The following INSL6 variants were observed in gnomAD, a reference collection of about 807,000 sequenced individuals.
INSL6 encodes the protein insulin like 6.
In INSL6, 16 loss-of-function variants were observed where a neutral mutation model predicts 9.4. The observed-to-expected ratio is 1.70, with a 90% CI of 1.15 to 2.59. The LOEUF (loss-of-function observed/expected upper bound fraction) is 2.59. INSL6 is among the 30% of genes most tolerant of loss of function. The probability of loss-of-function intolerance (pLI) is 0.00; values close to 1 mark genes in which losing one functional copy is unlikely to be tolerated. For synonymous variants in INSL6, 154 were observed against 96.9 expected (o/e 1.59, Z -3.46); for missense variants, 391 against 257.3 (o/e 1.52, Z -3.56).
chr9:5,153,459 G>A (rs1218451863), intron 2 of INSL6, among the ~76,000 whole-genome samples: 1 of 152,190 alleles, frequency 6.6e-6, no homozygotes, highest in East Asian at 1.9e-4. Flanking sequence ...CGCCAGCTCA[G>A]CAAGGCCACC....
chr9:5,029,583 A>T, the INSL6 span, among the ~76,000 whole-genome samples: 2 of 152,200 alleles, frequency 1.3e-5, no homozygotes. Flanking sequence ...GGGTGCACTA[A>T]AATGAAGTAT....
At chr9:5,049,465 AT>A in the INSL6 span, among the ~76,000 whole-genome samples, 10 of 152,044 alleles carry the variant, frequency 6.6e-5, no homozygotes, top group African/African-American at 2.2e-4. Flanking sequence ...TCCATCATAC[AT>A]TTCTTTATTT....
chr9:5,081,907 A>C, the INSL6 span: 1 of 1,494,568 alleles, frequency 6.7e-7, no homozygotes, highest in Non-Finnish European at 9.3e-7. Context: ...CATTTCATTT[A>C]GGAAAAACTT....
At chr9:5,041,667 T>C in the INSL6 span, 1 of 509,818 alleles carries the variant, frequency 2.0e-6, no homozygotes, top group Non-Finnish European at 4.0e-6. Flanking sequence ...GCGGAAGCTC[T>C]CCAGCTACCT....
chr9:5,099,608 C>T, the INSL6 span: 6 of 152,178 alleles, frequency 3.9e-5, no homozygotes, highest in African/African-American at 1.4e-4. Flanking sequence ...CAATTCTAGG[C>T]CTACCAGCAG....
the INSL6 span, among the ~76,000 whole-genome samples, chr9:5,105,253 T>C: frequency 6.6e-6 from 1 of 152,328 alleles, no homozygotes; most frequent in Admixed American, 6.5e-5. Flanking sequence ...CAAGCATTCC[T>C]ATACACCCAT....
At chr9:5,155,092 T>C (rs1824789544) in intron 2 of INSL6, among the ~76,000 whole-genome samples, 4 of 151,488 alleles carry the variant, frequency 2.6e-5, no homozygotes, top group South Asian at 2.1e-4. Context: ...CCAACAATGA[T>C]AGACTGGATT....
At chr9:5,110,865 C>T in the INSL6 span, 5 of 498,894 alleles carry the variant, frequency 1.0e-5, no homozygotes, top group African/African-American at 1.9e-5. Flanking sequence ...CATGCCGCCG[C>T]GCCCAGCAGG....
the INSL6 span, among the ~76,000 whole-genome samples, chr9:5,010,894 A>G: frequency 6.6e-6 from 1 of 152,194 alleles, no homozygotes; most frequent in South Asian, 2.1e-4. Flanking sequence ...TAGTATGAGA[A>G]TTATTTTTCA....
At chr9:5,077,422 C>A in the INSL6 span, 4 of 796,950 alleles carry the variant, frequency 5.0e-6, no homozygotes, top group Non-Finnish European at 7.1e-6. Flanking sequence ...TATACTTAAG[C>A]CTTATTATTA....
chr9:5,115,804 G>C, the INSL6 span, among the ~76,000 whole-genome samples: 1 of 152,010 alleles, frequency 6.6e-6, no homozygotes, highest in Non-Finnish European at 1.5e-5. Flanking sequence ...AGCAAACACA[G>C]GAACAGAAAA....
the INSL6 span, among the ~76,000 whole-genome samples, chr9:5,010,567 C>T: frequency 0.014 from 2,148 of 152,208 alleles, 62 homozygotes; most frequent in African/African-American, 0.049. Context: ...GTGATTCACC[C>T]GCCTCGGCCT....
chr9:5,114,320 G>A, the INSL6 span: 1 of 542,498 alleles, frequency 1.8e-6, no homozygotes, highest in Non-Finnish European at 3.6e-6. Flanking sequence ...CCAGTGGGAA[G>A]TCTGTGGCTC....
the INSL6 span, chr9:5,054,592 G>T: frequency 1.3e-6 from 2 of 1,594,736 alleles, no homozygotes; most frequent in South Asian, 2.3e-5. This position sits in a 1 kb window ranked among gnomAD's most constrained non-coding sequence, Gnocchi z 4.9. Flanking sequence ...AAATGTATTC[G>T]AGCAAAGATC....
At chr9:5,151,536 A>C (rs928403709) in intron 2 of INSL6, among the ~76,000 whole-genome samples, 6 of 152,174 alleles carry the variant, frequency 3.9e-5, no homozygotes, top group African/African-American at 1.4e-4. Flanking sequence ...AAATTGAAGT[A>C]TACTATTGTA....
intron 1 of INSL6, among the ~76,000 whole-genome samples, chr9:5,178,067 G>C (rs972395849): frequency 1.3e-5 from 2 of 152,144 alleles, no homozygotes; most frequent in Non-Finnish European, 2.9e-5. Flanking sequence ...GTAGAGACAG[G>C]GTTTGCCATG....
the INSL6 span, chr9:5,078,461 T>C: frequency 6.2e-7 from 1 of 1,600,928 alleles, no homozygotes; most frequent in South Asian, 1.1e-5. Context: ...TCTAGAAGGA[T>C]TATATATAAT....
rs757105790 is a variant in INSL6, at chr9:5,185,551, G to T, written c.52C>A (p.Arg18=). The T allele has an allele frequency of 1.2e-6, 2 of 1,613,740 alleles. No homozygotes were observed. Among genetic ancestry groups the T allele is most frequent in the Non-Finnish European group, 1.7e-6 (2 of 1,179,980 alleles). Reference sequence around the variant, plus strand: ...ATGTCGCTCAGTTCACGAGAAAACCGAACCAGCAGGAGTCCAAGCCACAGC... The same window carrying T: ...ATGTCGCTCAGTTCACGAGAAAACCTAACCAGCAGGAGTCCAAGCCACAGC... ...SLLWLGLLLV[R]FSRELSDISS... The change falls in exon 1 of 2, where the codon CGG becomes AGG. Residue 18 remains arginine, a synonymous_variant. Coordinates refer to ENST00000381641, the MANE Select transcript of INSL6 (RefSeq NM_007179.3).
chr9:5,057,798 G>C, the INSL6 span, among the ~76,000 whole-genome samples: 1 of 151,814 alleles, frequency 6.6e-6, no homozygotes, highest in Non-Finnish European at 1.5e-5. Context: ...GGCCAGGTTG[G>C]TCTTGAAGTC....
Sources: gnomAD v4.1 joint callset for allele counts (sites outside exome capture counted in the v4.1 genomes callset) on GRCh38, gnomAD v4.1.1 for gene constraint, Gnocchi (gnomAD v3.1) non-coding constraint, MANE v1.5 for transcripts, NCBI Gene and HGNC (gene_info 2026-07-23, HGNC 2026-07-21) for gene names.